The following ATXN7L1 variants were observed in gnomAD, a reference collection of about 807,000 sequenced individuals.
ATXN7L1 encodes ataxin-7-like protein 1.
ATXN7L1 carries 15 observed loss-of-function variants against 70.8 expected under a neutral mutation model. That is an observed-to-expected ratio of 0.21 (90% CI 0.14 to 0.33). The LOEUF (loss-of-function observed/expected upper bound fraction) is 0.33, where lower values mean the gene tolerates loss of function less well. ATXN7L1 is among the 10% of genes least tolerant of loss of function. The probability of loss-of-function intolerance (pLI) is 1.00; values close to 1 mark genes in which losing one functional copy is unlikely to be tolerated. For synonymous variants in ATXN7L1, 440 were observed against 445.1 expected (o/e 0.99, Z 0.14); for missense variants, 975 against 1,097.1 (o/e 0.89, Z 1.57).
intron 3 of ATXN7L1, among the ~76,000 whole-genome samples, chr7:105,693,534 C>CCAAT (rs1791293327): frequency 7.2e-6 from 1 of 139,572 alleles, no homozygotes; most frequent in African/African-American, 2.7e-5. Context: ...AATCTAATGC[C>CCAAT]CCATCCATCC....
intron 7 of ATXN7L1, among the ~76,000 whole-genome samples, chr7:105,628,392 G>A (rs1351435141): frequency 6.6e-6 from 1 of 152,106 alleles, no homozygotes; most frequent in African/African-American, 2.4e-5. Context: ...AGAGTTAGTA[G>A]TACAGGTATA....
rs1489437371 is a variant in ATXN7L1, at chr7:105,604,922, G to A, written c.*2930C>T. On this transcript the variant is annotated 3_prime_UTR_variant, in exon 12 of 12. Coordinates refer to ENST00000419735, the MANE Select transcript of ATXN7L1 (RefSeq NM_020725.2). The stretch of plus-strand genomic sequence containing the variant: ...CTTTTTTTCCTTTTTTAAAACAAGA[G>A]TTCACTGAGAATCAGCAATAATAGA... 6.6e-6 allele frequency: 1 copy of A among 151,550 alleles called. No homozygotes were observed. 9.4% of individuals were successfully genotyped at this position (151,550 alleles called of 1,614,324 possible). A position where few individuals can be genotyped will look rare whatever the true frequency, so the allele number is the denominator to read the frequency against.
At chr7:105,760,295 T>C (rs1800379008) in intron 3 of ATXN7L1, 1 of 944,024 alleles carries the variant, frequency 1.1e-6, no homozygotes, top group African/African-American at 1.8e-5. Context: ...TTTCCATATA[T>C]TATTTAATTA....
At chr7:105,708,903 T>C (rs904718646) in intron 3 of ATXN7L1, among the ~76,000 whole-genome samples, 1 of 152,376 alleles carries the variant, frequency 6.6e-6, no homozygotes, top group East Asian at 1.9e-4. Context: ...ATGTTGCTTT[T>C]AGCAGACCCA....
At chr7:105,682,985 C>T (rs1302419924) in intron 3 of ATXN7L1, among the ~76,000 whole-genome samples, 1 of 152,166 alleles carries the variant, frequency 6.6e-6, no homozygotes, top group African/African-American at 2.4e-5. Context: ...AAAGTAAGAG[C>T]AAGGATAATC....
intron 3 of ATXN7L1, among the ~76,000 whole-genome samples, chr7:105,773,768 C>A (rs938488141): frequency 6.6e-6 from 1 of 152,006 alleles, no homozygotes; most frequent in Non-Finnish European, 1.5e-5. Flanking sequence ...AAAAAGAAAC[C>A]CCCTAACAAC....
rs547234033 is a variant in ATXN7L1 at position 105,854,897 on chromosome 7, A to G, written c.250+20915T>C. On this transcript the variant is annotated intron_variant, in intron 2 of 11. Transcript: ENST00000419735. ...CTCATCATTTCCAATTTATCTTGCT[A>G]CATTTCACTTATTATCTATGCTTTG... 7.2e-5 allele frequency among the ~76,000 whole-genome samples: 11 copies of G among 152,168 alleles called. No homozygotes were observed. The East Asian group carries it at 1.9e-3, about 27-fold the overall frequency.
At chr7:105,656,793 A>C (rs940961140) in intron 4 of ATXN7L1, among the ~76,000 whole-genome samples, 1 of 149,924 alleles carries the variant, frequency 6.7e-6, no homozygotes. Context: ...ATCGTCTTGA[A>C]CTCCTGACTT....
intron 3 of ATXN7L1, chr7:105,679,175 C>G: frequency 1.0e-6 from 1 of 980,684 alleles, no homozygotes; most frequent in Non-Finnish European, 1.2e-6. Context: ...GAACGCACCA[C>G]TTCCCCTTTA....
chr7:105,610,550 G>A lies in ATXN7L1; in HGVS notation c.2526C>T (p.Ser842=). ...TTACCTGTCGGCTGTGTCCTGGGCTGGATATACTTGAAGGACTGGATTGTG... is the reference window on the plus strand; with the variant it reads ...TTACCTGTCGGCTGTGTCCTGGGCTAGATATACTTGAAGGACTGGATTGTG... ...ALSQSSPSSI[S]SPGHSRQNTN... is the part of the protein sequence containing the mutation. The change falls in exon 11 of 12, where the codon TCC becomes TCT. Residue 842 remains serine, a synonymous_variant. Coordinates refer to ENST00000419735, the MANE Select transcript of ATXN7L1 (RefSeq NM_020725.2). 1 of 1,551,352 alleles carries A rather than the reference G, an allele frequency of 6.4e-7. No homozygotes were observed. Among genetic ancestry groups the A allele is most frequent in the Non-Finnish European group, 8.7e-7 (1 of 1,146,926 alleles).
At chr7:105,744,558 C>T (rs1163135206) in intron 3 of ATXN7L1, among the ~76,000 whole-genome samples, 2 of 151,986 alleles carry the variant, frequency 1.3e-5, no homozygotes, top group African/African-American at 4.8e-5. Flanking sequence ...GATCTTACCC[C>T]CTTAAAAAAG....
intron 3 of ATXN7L1, among the ~76,000 whole-genome samples, chr7:105,727,209 G>GA (rs1795914408): frequency 6.6e-6 from 1 of 152,084 alleles, no homozygotes; most frequent in South Asian, 2.1e-4. Flanking sequence ...GTGTTCACTA[G>GA]AGCACTGCCA....
At chr7:105,846,776 A>G (rs1814108230) in intron 2 of ATXN7L1, among the ~76,000 whole-genome samples, 2 of 152,360 alleles carry the variant, frequency 1.3e-5, no homozygotes, top group Middle Eastern at 3.4e-3. Context: ...CTGTTCAGCT[A>G]CAAAAAGGAA....
intron 2 of ATXN7L1, among the ~76,000 whole-genome samples, chr7:105,812,443 G>C (rs997798479): frequency 2.6e-5 from 4 of 152,148 alleles, no homozygotes; most frequent in Non-Finnish European, 5.9e-5. Context: ...ACTCAGACTA[G>C]CAAGATATTT....
At chr7:105,872,840 CA>C (rs760300999) in intron 2 of ATXN7L1, among the ~76,000 whole-genome samples, 251 of 136,218 alleles carry the variant, frequency 1.8e-3, no homozygotes, top group East Asian at 4.8e-3. Context: ...TATTTTACCA[CA>C]AAAAAAAAAA....
At chr7:105,849,121 C>G (rs1254207685) in intron 2 of ATXN7L1, among the ~76,000 whole-genome samples, 1 of 152,214 alleles carries the variant, frequency 6.6e-6, no homozygotes, top group African/African-American at 2.4e-5. Flanking sequence ...ACCATTATCA[C>G]CACCCTATTA....
intron 2 of ATXN7L1, among the ~76,000 whole-genome samples, chr7:105,811,536 G>C (rs1391823020): frequency 6.6e-6 from 1 of 152,216 alleles, no homozygotes; most frequent in Admixed American, 6.5e-5. Context: ...TTAAATGCTG[G>C]AGATGTCAAG....
intron 3 of ATXN7L1, among the ~76,000 whole-genome samples, chr7:105,676,763 C>G (rs1331859120): frequency 6.6e-6 from 1 of 152,094 alleles, no homozygotes; most frequent in Non-Finnish European, 1.5e-5. Context: ...TCGCTTGAAC[C>G]TTGGAGATGG....
chr7:105,752,629 G>A (rs1486737825), intron 3 of ATXN7L1, among the ~76,000 whole-genome samples: 1 of 152,212 alleles, frequency 6.6e-6, no homozygotes, highest in African/African-American at 2.4e-5. Context: ...CAACTGTCAC[G>A]TGGATGTGAA....
Sources: allele counts gnomAD v4.1 joint callset (sites outside exome capture counted in the v4.1 genomes callset), GRCh38; gene constraint gnomAD v4.1.1; transcripts MANE v1.5; gene names NCBI Gene and HGNC (gene_info 2026-07-23, HGNC 2026-07-21).